Variants in SYT1 observed in about 807,000 individuals in gnomAD.
SYT1 encodes synaptotagmin-1.
Under a neutral mutation model 44.8 loss-of-function variants are expected in SYT1, and 8 were observed. The ratio of observed to expected loss-of-function variants is 0.18; its 90% CI spans 0.10 to 0.32. The LOEUF (loss-of-function observed/expected upper bound fraction) is 0.32. Among genes scored for constraint, SYT1 ranks in the 10% least tolerant of loss-of-function variants. The probability of loss-of-function intolerance (pLI) is 1.00; values close to 1 mark genes in which losing one functional copy is unlikely to be tolerated. For missense variants in SYT1, 286 were observed against 509.3 expected, an observed-to-expected ratio of 0.56 and a Z score of 4.22; for synonymous variants, 154 against 188.8, an observed-to-expected ratio of 0.82 and a Z score of 1.51.
chr12:79,367,045 T>C (rs905637232), intron 9 of SYT1, among the ~76,000 whole-genome samples: 1 of 152,026 alleles, frequency 6.6e-6, no homozygotes, highest in Non-Finnish European at 1.5e-5. Context: ...TCCCATCTCC[T>C]GTAACTTGTG....
intron 3 of SYT1, among the ~76,000 whole-genome samples, chr12:79,151,375 A>G (rs1405162740): frequency 6.6e-6 from 1 of 152,218 alleles, no homozygotes; most frequent in Non-Finnish European, 1.5e-5. Flanking sequence ...GAAAATAAAT[A>G]AATGCAGTAG....
At position 79,430,120 on chromosome 12, in the gene SYT1, T is replaced by C. The variant is rs1361412864; in HGVS notation, c.929-13953T>C. Among the ~76,000 whole-genome samples, 10 of 152,250 alleles carry C rather than the reference T, an allele frequency of 6.6e-5. No individual in the cohort carries two copies. In the East Asian group the frequency reaches 1.5e-3, roughly 23 times the overall value. ...TGTCTTATGAAACTGTATATCTCTA[T>C]GTAGAGGTGGAAGGAGAAAAAAACA... On this transcript the variant is annotated intron_variant, in intron 9 of 10. Coordinates refer to ENST00000261205, the MANE Select transcript of SYT1 (RefSeq NM_005639.3).
chr12:79,137,518 C>T (rs1489527874), intron 3 of SYT1, among the ~76,000 whole-genome samples: 5 of 152,176 alleles, frequency 3.3e-5, no homozygotes, highest in African/African-American at 7.2e-5. Flanking sequence ...AGTTAAATAA[C>T]TCTCCCAAGT....
chr12:79,292,315 T>C (rs1879626318), intron 6 of SYT1, among the ~76,000 whole-genome samples, 185 bp downstream of exon 6: 1 of 152,214 alleles, frequency 6.6e-6, no homozygotes, highest in Non-Finnish European at 1.5e-5. Flanking sequence ...CTTCTGGTAA[T>C]TAGAATTCAC....
chr12:79,297,296 TACTC>T (rs1442312736), intron 7 of SYT1, among the ~76,000 whole-genome samples: 1 of 152,146 alleles, frequency 6.6e-6, no homozygotes, highest in African/African-American at 2.4e-5. Flanking sequence ...ATTCTGGAAA[TACTC>T]AGTTCATGAA....
intron 9 of SYT1, among the ~76,000 whole-genome samples, chr12:79,417,025 T>A (rs1868784023): frequency 6.6e-6 from 1 of 152,160 alleles, no homozygotes; most frequent in African/African-American, 2.4e-5. Flanking sequence ...ATGATATATT[T>A]GTAACTTACT....
At chr12:78,977,027 G>A (rs1430242316) in intron 1 of SYT1, among the ~76,000 whole-genome samples, 1 of 151,776 alleles carries the variant, frequency 6.6e-6, no homozygotes, top group Non-Finnish European at 1.5e-5. Context: ...TATCAAAAAA[G>A]TAGATGAATG....
chr12:79,264,990 G>A (rs1353414992), intron 4 of SYT1, among the ~76,000 whole-genome samples: 5 of 151,792 alleles, frequency 3.3e-5, no homozygotes, highest in Non-Finnish European at 5.9e-5. Context: ...ATGCTTTGAC[G>A]GTTGTATTAT....
intron 4 of SYT1, among the ~76,000 whole-genome samples, chr12:79,227,749 G>T (rs1199546245): frequency 6.6e-6 from 1 of 152,066 alleles, no homozygotes. Context: ...CCCATCATAG[G>T]GTTGTTTGGT....
intron 2 of SYT1, among the ~76,000 whole-genome samples, chr12:79,012,381 C>T (rs1035629806): frequency 3.9e-5 from 6 of 152,106 alleles, no homozygotes; most frequent in African/African-American, 1.4e-4. Context: ...GTTTTAGAGG[C>T]AGATTGGATC....
intron 1 of SYT1, among the ~76,000 whole-genome samples, chr12:78,885,376 G>A (rs1235884990): frequency 1.3e-5 from 2 of 149,482 alleles, no homozygotes; most frequent in Admixed American, 6.7e-5. Context: ...AGGAAGGGAG[G>A]GAGGGAGGAA....
intron 9 of SYT1, among the ~76,000 whole-genome samples, chr12:79,412,933 C>T (rs1868519251): frequency 6.6e-6 from 1 of 152,124 alleles, no homozygotes; most frequent in Admixed American, 6.5e-5. Context: ...TTGATCACTA[C>T]TGAAGTGGAA....
chr12:79,375,854 A>G (rs937589899), intron 9 of SYT1, among the ~76,000 whole-genome samples: 11 of 149,392 alleles, frequency 7.4e-5, no homozygotes, highest in African/African-American at 2.8e-4. Flanking sequence ...GAATAAATGG[A>G]AAAAAAAAAT....
intron 2 of SYT1, among the ~76,000 whole-genome samples, chr12:79,039,758 G>T (rs1270788270): frequency 6.8e-6 from 1 of 147,698 alleles, no homozygotes. Flanking sequence ...ATCTCCCAAT[G>T]CTATCCCTTC....
intron 9 of SYT1, among the ~76,000 whole-genome samples, chr12:79,421,806 T>C (rs1358821010): frequency 6.6e-6 from 1 of 152,074 alleles, no homozygotes; most frequent in Admixed American, 6.6e-5. Context: ...GAATTGTAAG[T>C]ATTCAATCAG....
At chr12:78,875,158 A>G (rs960904836) in intron 1 of SYT1, among the ~76,000 whole-genome samples, 3 of 151,668 alleles carry the variant, frequency 2.0e-5, no homozygotes, top group African/African-American at 7.3e-5. Flanking sequence ...AATTTGTACA[A>G]ATATATTATA....
intron 3 of SYT1, among the ~76,000 whole-genome samples, chr12:79,061,972 A>G (rs1442538374): frequency 6.6e-6 from 1 of 152,168 alleles, no homozygotes; most frequent in Non-Finnish European, 1.5e-5. Context: ...GAGAAGAAAA[A>G]GATAATTTTT....
intron 1 of SYT1, among the ~76,000 whole-genome samples, chr12:78,908,352 A>G (rs1283106645): frequency 6.8e-6 from 1 of 147,796 alleles, no homozygotes; most frequent in African/African-American, 2.4e-5. Context: ...TAAAATTACA[A>G]ATTTTGAAGA....
At chr12:79,030,432 C>T (rs1872761911) in intron 2 of SYT1, among the ~76,000 whole-genome samples, 1 of 151,056 alleles carries the variant, frequency 6.6e-6, no homozygotes, top group African/African-American at 2.4e-5. Context: ...AACTGAAACA[C>T]TTTTCTCTAT....
Sources: gnomAD v4.1 joint callset for allele counts (sites outside exome capture counted in the v4.1 genomes callset) on GRCh38, gnomAD v4.1.1 for gene constraint, MANE v1.5 for transcripts, NCBI Gene and HGNC (gene_info 2026-07-23, HGNC 2026-07-21) for gene names.